The following MS4A10 variants were observed in gnomAD, a reference collection of about 807,000 sequenced individuals.
MS4A10 encodes membrane spanning 4-domains A10.
MS4A10 carries 27 observed loss-of-function variants against 27.7 expected under a neutral mutation model. The observed-to-expected ratio is 0.98, with a 90% confidence interval of 0.72 to 1.35. The LOEUF (loss-of-function observed/expected upper bound fraction) is 1.35. Among genes scored for constraint, MS4A10 ranks in the 40% most tolerant of loss-of-function variants. The pLI is 0.00. For synonymous variants in MS4A10, 139 were observed against 131.2 expected, an observed-to-expected ratio of 1.06 and a Z score of -0.41; for missense variants, 338 against 324.7, an observed-to-expected ratio of 1.04 and a Z score of -0.32.
chr11:60,791,184 T>G, intron 3 of MS4A10, 91 bp downstream of exon 3: 1 of 1,541,104 alleles, frequency 6.5e-7, no homozygotes, highest in South Asian at 1.2e-5. Context: ...CAGGGTGGGA[T>G]AGAGAGAGCT....
At chr11:60,786,357 C>G (rs936970293) in intron 1 of MS4A10, among the ~76,000 whole-genome samples, 2 of 152,098 alleles carry the variant, frequency 1.3e-5, no homozygotes, top group African/African-American at 4.8e-5. Flanking sequence ...CCTGCAGTGT[C>G]CAGTGCAGAA....
chr11:60,787,748 T>G (rs905370842), intron 1 of MS4A10, among the ~76,000 whole-genome samples: 1 of 152,162 alleles, frequency 6.6e-6, no homozygotes, highest in Non-Finnish European at 1.5e-5. Context: ...CCGGGCGCAG[T>G]GGCTCACATC....
At chr11:60,799,539 C>T (rs1222122664) in intron 7 of MS4A10, among the ~76,000 whole-genome samples, 3 of 152,156 alleles carry the variant, frequency 2.0e-5, no homozygotes, top group Non-Finnish European at 2.9e-5. Flanking sequence ...CCTCCAACCC[C>T]GTGGTCTCAC....
intron 4 of MS4A10, among the ~76,000 whole-genome samples, chr11:60,792,661 A>G (rs1343913787): frequency 6.6e-6 from 1 of 152,196 alleles, no homozygotes; most frequent in Non-Finnish European, 1.5e-5. Flanking sequence ...ATCACCACAT[A>G]GCCTGCAAGC....
intron 7 of MS4A10, 95 bp downstream of exon 7, chr11:60,798,609 T>A: frequency 2.1e-6 from 2 of 964,528 alleles, no homozygotes; most frequent in Non-Finnish European, 3.3e-6. Flanking sequence ...AGGGGAGCTG[T>A]AAGGGGCAAG....
chr11:60,794,671 C>CT lies in MS4A10; in HGVS notation c.492+577dup, dbSNP rs948810345. Among the ~76,000 whole-genome samples the CT allele has an allele frequency of 4.6e-5, 7 of 151,148 alleles. No individual in the cohort carries two copies. The East Asian group carries it at 7.7e-4, about 17-fold the overall frequency. On this transcript the variant is annotated intron_variant, in intron 5 of 7. Coordinates refer to ENST00000308287, the MANE Select transcript of MS4A10 (RefSeq NM_206893.4). The stretch of plus-strand genomic sequence containing the variant: ...GGCCAGGCTCCAAGAATTCTTTTTT[C>CT]TTTTTTTTTGGAAGGGGCGGGGGAA...
At position 60,790,206 on chromosome 11, in the gene MS4A10, G is replaced by A. The variant is rs1304401292; in HGVS notation, c.-22-108G>A. On this transcript the variant is annotated intron_variant, in intron 1 of 7. Coordinates refer to ENST00000308287, the MANE Select transcript of MS4A10 (RefSeq NM_206893.4). ...GGGGCTGCCAGACAGGGCAACCACA[G>A]TTCTGGAAAGATCTGGTCCCTTAAA... 1.0e-5 allele frequency: 10 copies of A among 954,046 alleles called. No individual in the cohort carries two copies. In the Admixed American group the frequency reaches 2.2e-4, roughly 21 times the overall value. The allele number at this position is 954,046 out of a possible 1,614,324, so 59.1% of individuals were successfully genotyped here. A position where few individuals can be genotyped will look rare whatever the true frequency, so the allele number is the denominator to read the frequency against.
intron 6 of MS4A10, among the ~76,000 whole-genome samples, chr11:60,798,037 G>T (rs917882882): frequency 6.6e-5 from 10 of 152,216 alleles, no homozygotes; most frequent in African/African-American, 2.4e-4. Flanking sequence ...GTTGGCATTA[G>T]ACCTGCCCCT....
At position 60,790,515 on chromosome 11, in the gene MS4A10, G is replaced by C; in HGVS notation, c.180G>C (p.Leu60=). The change falls in exon 2 of 8, where the codon CTG becomes CTC. Residue 60 remains leucine (L), a synonymous_variant. Transcript: ENST00000308287. ...SQKKSSLLKE[L]GAFHITIALL... is the part of the protein sequence containing the mutation. ...AGAAGAGCAGCCTTCTTAAGGAGCTGGGGGTGAGCATCCACTTCCCAGGGT... is the reference window on the plus strand; with the variant it reads ...AGAAGAGCAGCCTTCTTAAGGAGCTCGGGGTGAGCATCCACTTCCCAGGGT... The C allele has an allele frequency of 6.2e-7, 1 of 1,614,056 alleles. No homozygotes were observed. The highest frequency in any genetic ancestry group is 2.2e-5 in the East Asian group (1 of 44,874).
At position 60,799,971 on chromosome 11, in the gene MS4A10, G is replaced by A. The variant is rs1854604973; in HGVS notation, c.*62G>A. On this transcript the variant is annotated 3_prime_UTR_variant, in exon 8 of 8. Coordinates refer to ENST00000308287, the MANE Select transcript of MS4A10 (RefSeq NM_206893.4). Reference sequence around the variant, plus strand: ...GCATAGCCCCTGCTCTCCCAAAGTTGCACTTTCACTGGGAAGATGAGATTT... The same window carrying A: ...GCATAGCCCCTGCTCTCCCAAAGTTACACTTTCACTGGGAAGATGAGATTT... 9 of 1,611,658 alleles carry A rather than the reference G, an allele frequency of 5.6e-6. No individual in the cohort carries two copies. The highest frequency in any genetic ancestry group is 7.6e-6 in the Non-Finnish European group (9 of 1,178,502).
chr11:60,789,835 G>A (rs960589608), intron 1 of MS4A10, among the ~76,000 whole-genome samples: 3 of 152,102 alleles, frequency 2.0e-5, no homozygotes, highest in East Asian at 3.9e-4. Context: ...AAAAGTCCTC[G>A]GTGGAAGATA....
rs1214593025 is a variant in MS4A10, at chr11:60,800,945, C to G, written c.*1036C>G. 6.6e-6 allele frequency: 1 copy of G among 152,160 alleles called. No individual in the cohort carries two copies. The highest frequency in any genetic ancestry group is 1.5e-5 in the Non-Finnish European group (1 of 68,050). The allele number at this position is 152,160 out of a possible 1,614,324, so 9.4% of individuals were successfully genotyped here. On this transcript the variant is annotated 3_prime_UTR_variant, in exon 8 of 8. Transcript: ENST00000308287. The stretch of plus-strand genomic sequence containing the variant: ...AGTAGCTGGGATTACAGGCGACCGC[C>G]ACCACGCCTGGCTACTTTTTGTATT...
In MS4A10 at chr11:60,799,894, C is replaced by T; in HGVS notation, c.789C>T (p.Thr263=). ...TCACTGACGGAGCTGCGATCTGGAC[C>T]CAGACTGCAAACTGAAGAGCCACTG... The part of the protein sequence containing the change: ...WIVTDGAAIW[T]QTAN Residue 263 remains threonine, a synonymous_variant, in exon 8 of 8, where the codon ACC becomes ACT. Coordinates refer to ENST00000308287, the MANE Select transcript of MS4A10 (RefSeq NM_206893.4). 1.2e-6 allele frequency: 2 copies of T among 1,614,152 alleles called. No individual in the cohort carries two copies. Among genetic ancestry groups the T allele is most frequent in the Admixed American group, 1.7e-5 (1 of 60,022 alleles).
chr11:60,789,027 G>A (rs567479270), intron 1 of MS4A10, among the ~76,000 whole-genome samples: 5 of 152,294 alleles, frequency 3.3e-5, no homozygotes, highest in African/African-American at 1.2e-4. Context: ...TGGCTCTTTG[G>A]CTCTTGATAA....
At chr11:60,795,904 G>A (rs1047316015) in intron 6 of MS4A10, among the ~76,000 whole-genome samples, 1 of 152,150 alleles carries the variant, frequency 6.6e-6, no homozygotes, top group African/African-American at 2.4e-5. Context: ...AACTCCATGG[G>A]TGCCCAGAAC....
intron 5 of MS4A10, among the ~76,000 whole-genome samples, chr11:60,794,520 T>A (rs1318656815): frequency 2.0e-5 from 3 of 152,166 alleles, no homozygotes; most frequent in Non-Finnish European, 4.4e-5. Context: ...GTTACCCTCA[T>A]CTTCTGGGAG....
intron 1 of MS4A10, among the ~76,000 whole-genome samples, chr11:60,786,885 G>C (rs1263133463): frequency 1.3e-5 from 2 of 152,186 alleles, no homozygotes; most frequent in Admixed American, 6.5e-5. Flanking sequence ...AGAAGGTGAG[G>C]GGAGACTCAG....
In MS4A10 at chr11:60,789,731, C is replaced by A. The variant is rs188024171; in HGVS notation, c.-22-583C>A. Among the ~76,000 whole-genome samples, 444 of 152,220 alleles carry A rather than the reference C, an allele frequency of 2.9e-3. 3 individuals carry two copies. The highest frequency in any genetic ancestry group is 4.7e-3 in the Non-Finnish European group (323 of 68,014). On this transcript the variant is annotated intron_variant, in intron 1 of 7. Coordinates refer to ENST00000308287, the MANE Select transcript of MS4A10 (RefSeq NM_206893.4). ...AATGAGGACAAAATCAGGTAATGCACGTAGAAGGTTTATCTCAGTGCCTGG... is the reference window on the plus strand; with the variant it reads ...AATGAGGACAAAATCAGGTAATGCAAGTAGAAGGTTTATCTCAGTGCCTGG...
intron 3 of MS4A10, 86 bp downstream of exon 3, chr11:60,791,179 T>A (rs1854424323): frequency 2.6e-6 from 4 of 1,561,184 alleles, no homozygotes; most frequent in Non-Finnish European, 3.5e-6. Flanking sequence ...GGATGCAGGG[T>A]GGGATAGAGA....
Sources: gnomAD v4.1 joint callset for allele counts (sites outside exome capture counted in the v4.1 genomes callset) on GRCh38, gnomAD v4.1.1 for gene constraint, MANE v1.5 for transcripts, NCBI Gene and HGNC (gene_info 2026-07-23, HGNC 2026-07-21) for gene names.